The following TBC1D2B variants were observed in gnomAD, a reference collection of about 807,000 sequenced individuals.
TBC1D2B encodes TBC1 domain family member 2B.
A neutral mutation model predicts 100.8 loss-of-function variants in TBC1D2B; 64 were observed. The ratio of observed to expected loss-of-function variants is 0.64; its 90% CI spans 0.52 to 0.78. The LOEUF is 0.78. Ranked by LOEUF, TBC1D2B falls within the 30% of genes least tolerant of loss-of-function variation. The pLI is 0.00. For missense variants in TBC1D2B, 1,052 were observed against 1,218.4 expected, an observed-to-expected ratio of 0.86 and a Z score of 2.03; for synonymous variants, 480 against 479.7, an observed-to-expected ratio of 1.00 and a Z score of -0.01.
intron 4 of TBC1D2B, 183 bp from the exon 5 acceptor site, chr15:78,025,680 C>T (rs937359067): frequency 1.3e-5 from 5 of 387,830 alleles, no homozygotes; most frequent in African/African-American, 6.3e-5. Flanking sequence ...GCACCCGCCA[C>T]CATGCCTGGC....
In TBC1D2B at chr15:78,061,353, G is replaced by A. The variant is rs189396438; in HGVS notation, c.361-7166C>T. ...TTTGGGAGGCAGAGGCAGGCAGATC[G>A]CTTGAACCGAGGAGTTCAAGACCAG... On this transcript the variant is annotated intron_variant, in intron 1 of 12. Coordinates refer to ENST00000300584, the MANE Select transcript of TBC1D2B (RefSeq NM_144572.2). Among the ~76,000 whole-genome samples the A allele has an allele frequency of 1.2e-3, 184 of 151,980 alleles. 1 individual carries two copies. Among genetic ancestry groups the A allele is most frequent in the African/African-American group, 4.1e-3 (168 of 41,468 alleles).
chr15:78,054,586 T>G (rs2073382038), intron 1 of TBC1D2B, among the ~76,000 whole-genome samples: 1 of 152,212 alleles, frequency 6.6e-6, no homozygotes, highest in South Asian at 2.1e-4. Context: ...ATAATGATAT[T>G]TAAACTCCAT....
chr15:78,027,351 A>G (rs2072697314), intron 4 of TBC1D2B, among the ~76,000 whole-genome samples: 1 of 152,128 alleles, frequency 6.6e-6, no homozygotes, highest in South Asian at 2.1e-4. Context: ...CAATTCACTG[A>G]GCTATACATT....
chr15:78,035,061 C>T (rs570341895), intron 3 of TBC1D2B, among the ~76,000 whole-genome samples: 17 of 152,182 alleles, frequency 1.1e-4, no homozygotes, highest in Non-Finnish European at 2.4e-4. Flanking sequence ...TCTCATTTGA[C>T]AGATCTTTGA....
Position 78,012,878 on chromosome 15 carries a change from G to C in TBC1D2B, c.2215C>G (p.Leu739Val), listed in dbSNP as rs2072268059. Residue 739 changes from leucine to valine, a missense_variant, in exon 9 of 13, where the codon CTC (leucine) becomes GTC (valine). Physicochemically the swap from Leu to Val is conservative, Grantham distance 32. Coordinates refer to ENST00000300584, the MANE Select transcript of TBC1D2B (RefSeq NM_144572.2). ...SEGIQKLRNVLLAFSWRNPDI... is the reference protein window; with the variant it reads ...SEGIQKLRNVVLAFSWRNPDI... ...GGATTCCGCCAGGAGAAGGCGAGGA[G>C]GACATTGCGTAACTTCTGTATGCCT... The C allele has an allele frequency of 6.6e-7, 1 of 1,520,946 alleles. No individual in the cohort carries two copies. The allele number at this position is 1,520,946 out of a possible 1,614,324, so 94.2% of individuals were successfully genotyped here. A position where few individuals can be genotyped will look rare whatever the true frequency, so the allele number is the denominator to read the frequency against.
chr15:78,068,901 G>A (rs2073703053), intron 1 of TBC1D2B, among the ~76,000 whole-genome samples: 3 of 152,208 alleles, frequency 2.0e-5, no homozygotes. Flanking sequence ...GTGAACACCC[G>A]ATCACATGTC....
intron 10 of TBC1D2B, among the ~76,000 whole-genome samples, chr15:78,004,161 G>A (rs746709657): frequency 2.0e-4 from 31 of 152,184 alleles, no homozygotes; most frequent in Admixed American, 1.2e-3. Flanking sequence ...CACGACAGAC[G>A]AGCAATACCT....
chr15:78,054,136 T>G lies in TBC1D2B; in HGVS notation c.412A>C (p.Arg138=). ...TCAAGACTGTTACAATATTCCCATCTCTTCTGCTGAAGCTCCTGTAACCAG... is the reference window on the plus strand; with the variant it reads ...TCAAGACTGTTACAATATTCCCATCGCTTCTGCTGAAGCTCCTGTAACCAG... ...TYWLQELQQK[R]WEYCNSLDMV... The change falls in exon 2 of 13, where the codon AGA becomes CGA. Residue 138 remains arginine (R), a synonymous_variant. Transcript: ENST00000300584. The G allele has an allele frequency of 1.2e-6, 2 of 1,613,834 alleles. No individual in the cohort carries two copies. The highest frequency in any genetic ancestry group is 4.5e-5 in the East Asian group (2 of 44,856).
intron 9 of TBC1D2B, among the ~76,000 whole-genome samples, chr15:78,011,641 TTTGG>T (rs777687094): frequency 0.017 from 72 of 4,320 alleles, no homozygotes; most frequent in African/African-American, 0.052. Flanking sequence ...CAGCTAATTT[TTTGG>T]TTTTTTTTTT....
chr15:78,049,169 G>C (rs1007072063), intron 2 of TBC1D2B, among the ~76,000 whole-genome samples: 1 of 152,212 alleles, frequency 6.6e-6, no homozygotes, highest in East Asian at 1.9e-4. Flanking sequence ...AGAAAAAAGG[G>C]GCAGCCAACC....
intron 8 of TBC1D2B, 87 bp from the exon 9 acceptor site, chr15:78,013,404 A>T: frequency 1.6e-6 from 2 of 1,269,756 alleles, no homozygotes; most frequent in South Asian, 3.1e-5. Flanking sequence ...TCTAGAAACC[A>T]AATCAGGCAC....
intron 11 of TBC1D2B, 66 bp downstream of exon 11, chr15:78,003,239 G>A (rs566378639): frequency 4.4e-5 from 65 of 1,486,356 alleles, no homozygotes; most frequent in South Asian, 5.9e-5. Flanking sequence ...CCGCTCTACC[G>A]CCACCAACGC....
Position 78,054,110 on chromosome 15 carries a change from G to A in TBC1D2B, c.438C>T (p.Asp146=). Residue 146 remains aspartate (D), a synonymous_variant, in exon 2 of 13, where the codon GAC becomes GAT. Coordinates refer to ENST00000300584, the MANE Select transcript of TBC1D2B (RefSeq NM_144572.2). ...AGGTCCTGCTGTCCCACTTGACCAT[G>A]TCAAGACTGTTACAATATTCCCATC... ...QKRWEYCNSL[D]MVKWDSRTSP... is the part of the protein sequence containing the mutation. The A allele has an allele frequency of 6.2e-7, 1 of 1,613,888 alleles. No homozygotes were observed. Among genetic ancestry groups the A allele is most frequent in the Non-Finnish European group, 8.5e-7 (1 of 1,179,844 alleles).
intron 3 of TBC1D2B, chr15:78,034,670 G>A (rs1036838772): frequency 2.5e-5 from 25 of 985,378 alleles, no homozygotes; most frequent in East Asian, 2.3e-4. Context: ...AGCCTGAGTC[G>A]TACGCTGCCG....
intron 3 of TBC1D2B, among the ~76,000 whole-genome samples, chr15:78,032,668 T>TA (rs140340266): frequency 0.027 from 3,973 of 146,126 alleles, 92 homozygotes; most frequent in Middle Eastern, 0.074. Flanking sequence ...CATAGAAAAT[T>TA]AAAAAAAAAA....
In TBC1D2B at chr15:78,009,177, C is replaced by T. The variant is rs557221993; in HGVS notation, c.2271-63G>A. 3.6e-5 allele frequency: 43 copies of T among 1,192,994 alleles called. No homozygotes were observed. The African/African-American group carries it at 5.7e-4, about 16-fold the overall frequency. 73.9% of individuals were successfully genotyped at this position (1,192,994 alleles called of 1,614,324 possible). On this transcript the variant is annotated intron_variant, in intron 9 of 12. Coordinates refer to ENST00000300584, the MANE Select transcript of TBC1D2B (RefSeq NM_144572.2). ...CAGACAGCTGCTACTACAGTCTCCA[C>T]AGAGACCATCTGCTTTAAGCCACTT...
At position 78,061,147 on chromosome 15, in the gene TBC1D2B, G is replaced by T. The variant is rs145137672; in HGVS notation, c.361-6960C>A. On this transcript the variant is annotated intron_variant, in intron 1 of 12. Transcript: ENST00000300584. Reference sequence around the variant, plus strand: ...TAATCCCAGCTACTTGGGAGGCTGAGGCAGGAGAATCATTTAAACCTGGGA... The same window carrying T: ...TAATCCCAGCTACTTGGGAGGCTGATGCAGGAGAATCATTTAAACCTGGGA... Among the ~76,000 whole-genome samples, 37 of 152,212 alleles carry T rather than the reference G, an allele frequency of 2.4e-4. No homozygotes were observed. The East Asian group carries it at 7.0e-3, about 29-fold the overall frequency.
intron 9 of TBC1D2B, among the ~76,000 whole-genome samples, chr15:78,010,923 A>G (rs1401129127): frequency 6.6e-6 from 1 of 152,180 alleles, no homozygotes; most frequent in Non-Finnish European, 1.5e-5. Context: ...ATGTAGGAAA[A>G]AACTGATTCC....
chr15:78,052,580 G>A (rs4886554), intron 2 of TBC1D2B, among the ~76,000 whole-genome samples: 93,958 of 152,058 alleles, frequency 0.62, 28,974 homozygotes, highest in Admixed American at 0.64. Flanking sequence ...AAGGAGGAAG[G>A]ACAGCTGTTA....
Sources: allele counts gnomAD v4.1 joint callset (sites outside exome capture counted in the v4.1 genomes callset), GRCh38; gene constraint gnomAD v4.1.1; transcripts MANE v1.5; gene names NCBI Gene and HGNC (gene_info 2026-07-23, HGNC 2026-07-21).